Variants in DTWD2 observed in about 807,000 individuals in gnomAD.
DTWD2 encodes the protein tRNA-uridine aminocarboxypropyltransferase 2.
A neutral mutation model predicts 31.8 loss-of-function variants in DTWD2; 39 were observed. That is an observed-to-expected ratio of 1.22 (90% CI 0.95 to 1.60). The LOEUF (loss-of-function observed/expected upper bound fraction) is 1.60. DTWD2 is among the 40% of genes most tolerant of loss of function. The pLI, the probability that DTWD2 is intolerant of heterozygous loss-of-function variation, is 0.00. For synonymous variants in DTWD2, 180 were observed against 142.8 expected, an observed-to-expected ratio of 1.26 and a Z score of -1.86; for missense variants, 515 against 381.5, an observed-to-expected ratio of 1.35 and a Z score of -2.92.
intron 4 of DTWD2, among the ~76,000 whole-genome samples, chr5:118,849,267 A>G (rs1751942252): frequency 6.6e-6 from 1 of 152,230 alleles, no homozygotes; most frequent in Non-Finnish European, 1.5e-5. Context: ...CAACAAACAT[A>G]AGAAAAAAAT....
At chr5:118,846,315 C>T (rs1580762253) in intron 5 of DTWD2, among the ~76,000 whole-genome samples, 1 of 152,024 alleles carries the variant, frequency 6.6e-6, no homozygotes, top group Non-Finnish European at 1.5e-5. Context: ...AACTGTAACC[C>T]TATTATTCTA....
chr5:118,915,715 T>C (rs916309812), intron 4 of DTWD2, among the ~76,000 whole-genome samples: 1 of 152,168 alleles, frequency 6.6e-6, no homozygotes, highest in African/African-American at 2.4e-5. Flanking sequence ...ACTCTTCCCA[T>C]GTGTAGTGAG....
chr5:118,974,794 G>A (rs909033313), intron 1 of DTWD2: 4 of 383,606 alleles, frequency 1.0e-5, no homozygotes, highest in African/African-American at 8.6e-5. Context: ...ATTTTATTTT[G>A]CTGAGTTGTT....
At position 118,837,051 on chromosome 5, in the gene DTWD2, A is replaced by T. The variant is rs890976644; in HGVS notation, c.*3866T>A. ...ACTACAGTATCTTTTGTTTAAAAAC[A>T]TGCTATGTAAGGATGTATGAGTATT... On this transcript the variant is annotated 3_prime_UTR_variant, in exon 6 of 6. Coordinates refer to ENST00000510708, the MANE Select transcript of DTWD2 (RefSeq NM_173666.4). Among the ~76,000 whole-genome samples the T allele has an allele frequency of 6.6e-6, 1 of 152,224 alleles. No individual in the cohort carries two copies. The highest frequency in any genetic ancestry group is 6.5e-5 in the Admixed American group (1 of 15,286).
chr5:118,965,466 G>GT (rs1299610885), intron 1 of DTWD2, among the ~76,000 whole-genome samples: 3 of 152,252 alleles, frequency 2.0e-5, no homozygotes. Context: ...TGATGATGCG[G>GT]TTTTGTCGAA....
chr5:118,978,093 G>A (rs1561480275), intron 1 of DTWD2, among the ~76,000 whole-genome samples: 2 of 149,020 alleles, frequency 1.3e-5, no homozygotes, highest in Non-Finnish European at 1.5e-5. Context: ...ACAAAAACAA[G>A]CAATGGGGAA....
intron 4 of DTWD2, among the ~76,000 whole-genome samples, chr5:118,876,709 T>C (rs1199661926): frequency 6.6e-6 from 1 of 151,984 alleles, no homozygotes; most frequent in Non-Finnish European, 1.5e-5. Context: ...AGACCAATAA[T>C]GAGCTCTGAA....
chr5:118,941,134 A>G (rs1013424997), intron 2 of DTWD2, among the ~76,000 whole-genome samples: 2 of 151,976 alleles, frequency 1.3e-5, no homozygotes, highest in African/African-American at 4.8e-5. Flanking sequence ...TAACTTTTCT[A>G]TGGGAGAGTC....
intron 4 of DTWD2, among the ~76,000 whole-genome samples, chr5:118,876,980 A>G (rs1191202948): frequency 1.3e-5 from 2 of 152,236 alleles, no homozygotes; most frequent in Non-Finnish European, 2.9e-5. Flanking sequence ...AATGCCTAAC[A>G]CAATACTGGA....
intron 4 of DTWD2, among the ~76,000 whole-genome samples, chr5:118,920,674 A>C (rs1240015901): frequency 1.3e-5 from 2 of 152,182 alleles, no homozygotes; most frequent in African/African-American, 2.4e-5. Context: ...TTTCTATAAA[A>C]TATAGTACTA....
chr5:118,877,768 T>A (rs1233260285), intron 4 of DTWD2, among the ~76,000 whole-genome samples: 1 of 151,828 alleles, frequency 6.6e-6, no homozygotes, highest in South Asian at 2.1e-4. Flanking sequence ...GTAAACAACA[T>A]GATAACATGA....
chr5:118,932,320 AT>A (rs1195909315), intron 3 of DTWD2, among the ~76,000 whole-genome samples: 4 of 151,110 alleles, frequency 2.6e-5, no homozygotes, highest in African/African-American at 9.7e-5. Context: ...TGACAAAAAA[AT>A]TTAAAAAAAA....
chr5:118,887,140 A>G (rs950406207), intron 4 of DTWD2, among the ~76,000 whole-genome samples: 1 of 152,192 alleles, frequency 6.6e-6, no homozygotes, highest in African/African-American at 2.4e-5. Flanking sequence ...TATAATGAGC[A>G]GTTTATGTCA....
chr5:118,892,779 G>T (rs1351243118), intron 4 of DTWD2, among the ~76,000 whole-genome samples: 1 of 151,752 alleles, frequency 6.6e-6, no homozygotes, highest in Non-Finnish European at 1.5e-5. Context: ...CTACTTCTAG[G>T]AGGTAAAAAA....
chr5:118,978,657 T>C (rs1580453726), intron 1 of DTWD2, among the ~76,000 whole-genome samples: 2 of 152,104 alleles, frequency 1.3e-5, no homozygotes, highest in African/African-American at 4.8e-5. Context: ...TGGAAATCCA[T>C]ATCAAAACCA....
chr5:118,912,115 G>A (rs546785095), intron 4 of DTWD2, among the ~76,000 whole-genome samples: 25 of 152,306 alleles, frequency 1.6e-4, no homozygotes, highest in African/African-American at 4.1e-4. Context: ...GAGACATAAC[G>A]TAAGCTAGCA....
intron 1 of DTWD2, among the ~76,000 whole-genome samples, chr5:118,983,202 A>G (rs1294824409): frequency 6.6e-6 from 1 of 152,188 alleles, no homozygotes; most frequent in African/African-American, 2.4e-5. Flanking sequence ...AAATGAGTTA[A>G]GCAGGAACGA....
At position 118,841,166 on chromosome 5, in the gene DTWD2, G is replaced by C. The variant is rs1300928511; in HGVS notation, c.727-79C>G. 4 of 1,483,340 alleles carry C rather than the reference G, an allele frequency of 2.7e-6. No individual in the cohort carries two copies. In the Admixed American group the frequency reaches 7.0e-5, roughly 26 times the overall value. 91.9% of individuals were successfully genotyped at this position (1,483,340 alleles called of 1,614,324 possible). On this transcript the variant is annotated intron_variant, in intron 5 of 5. Coordinates refer to ENST00000510708, the MANE Select transcript of DTWD2 (RefSeq NM_173666.4). The stretch of plus-strand genomic sequence containing the variant: ...TATCTATATTTTTCATTCAGAAATA[G>C]GAGTTACTATGTTTCTTTTATTATG...
At chr5:118,925,160 A>C (rs1054070399) in intron 4 of DTWD2, among the ~76,000 whole-genome samples, 1 of 152,242 alleles carries the variant, frequency 6.6e-6, no homozygotes, top group Non-Finnish European at 1.5e-5. Flanking sequence ...ACCCAACAAC[A>C]GAGCAGATAA....
Sources: allele counts gnomAD v4.1 joint callset (sites outside exome capture counted in the v4.1 genomes callset), GRCh38; gene constraint gnomAD v4.1.1; transcripts MANE v1.5; gene names NCBI Gene and HGNC (gene_info 2026-07-23, HGNC 2026-07-21).